The following ACOXL variants were observed in gnomAD, a reference collection of about 807,000 sequenced individuals.
ACOXL encodes the protein acyl-coenzyme A oxidase-like protein.
In ACOXL, 70 loss-of-function variants were observed where a neutral mutation model predicts 71.9. That is an observed-to-expected ratio of 0.97 (90% CI 0.80 to 1.19). The LOEUF (loss-of-function observed/expected upper bound fraction) is 1.19. Among genes scored for constraint, ACOXL ranks in the 50% most tolerant of loss-of-function variants. The probability of loss-of-function intolerance (pLI) is 0.00; values close to 1 mark genes in which losing one functional copy is unlikely to be tolerated. For missense variants in ACOXL, 703 were observed against 736.3 expected, an observed-to-expected ratio of 0.95 and a Z score of 0.52; for synonymous variants, 253 against 281.6, an observed-to-expected ratio of 0.90 and a Z score of 1.02.
intron 2 of ACOXL, among the ~76,000 whole-genome samples, chr2:110,779,358 T>C (rs1453438952): frequency 6.6e-6 from 1 of 152,108 alleles, no homozygotes; most frequent in African/African-American, 2.4e-5. Context: ...TTTCTTGCAG[T>C]GGTAACTGGA....
chr2:110,957,347 G>A (rs2061536975), intron 12 of ACOXL, among the ~76,000 whole-genome samples: 1 of 152,166 alleles, frequency 6.6e-6, no homozygotes, highest in African/African-American at 2.4e-5. Flanking sequence ...TGTTCATGTT[G>A]GAGAAGCAGT....
intron 15 of ACOXL, among the ~76,000 whole-genome samples, chr2:111,039,510 C>T (rs749952139): frequency 3.9e-5 from 6 of 152,078 alleles, no homozygotes; most frequent in Non-Finnish European, 7.4e-5. Flanking sequence ...AATATGTTAA[C>T]AAGGTAATTA....
chr2:111,026,637 C>G (rs1329398298), intron 14 of ACOXL, among the ~76,000 whole-genome samples: 1 of 151,804 alleles, frequency 6.6e-6, no homozygotes, highest in Non-Finnish European at 1.5e-5. Flanking sequence ...TATAGAAATA[C>G]AATTGATTTT....
intron 14 of ACOXL, among the ~76,000 whole-genome samples, chr2:111,023,493 G>A (rs1376639341): frequency 6.6e-6 from 1 of 152,188 alleles, no homozygotes; most frequent in Non-Finnish European, 1.5e-5. Flanking sequence ...TGTAGCCCGT[G>A]GAAGTGGTAT....
intron 11 of ACOXL, among the ~76,000 whole-genome samples, chr2:110,917,250 A>G (rs1021041387): frequency 6.6e-6 from 1 of 152,048 alleles, no homozygotes; most frequent in Non-Finnish European, 1.5e-5. Context: ...AGGCTGGTTC[A>G]ACATCAATCA....
intron 16 of ACOXL, among the ~76,000 whole-genome samples, chr2:111,080,629 C>T (rs547524040): frequency 6.7e-4 from 102 of 152,242 alleles, no homozygotes; most frequent in South Asian, 3.3e-3. Flanking sequence ...TGAAACTATT[C>T]GGAATAGTAG....
At chr2:111,068,713 G>C (rs954008997) in intron 16 of ACOXL, among the ~76,000 whole-genome samples, 2 of 152,150 alleles carry the variant, frequency 1.3e-5, no homozygotes, top group Admixed American at 1.3e-4. Context: ...GGTCACCGAC[G>C]GGTTTCTTTC....
chr2:110,922,830 C>T (rs1231110237), intron 11 of ACOXL, among the ~76,000 whole-genome samples: 1 of 152,176 alleles, frequency 6.6e-6, no homozygotes, highest in Non-Finnish European at 1.5e-5. Context: ...CCCCAGAGCC[C>T]TTACCATGTG....
At chr2:110,910,876 A>T (rs2059628472) in intron 11 of ACOXL, among the ~76,000 whole-genome samples, 1 of 152,182 alleles carries the variant, frequency 6.6e-6, no homozygotes, top group Non-Finnish European at 1.5e-5. Flanking sequence ...ATTTTTGGTC[A>T]GTGTGGATTT....
chr2:110,873,642 G>C (rs1484310188), intron 10 of ACOXL, among the ~76,000 whole-genome samples: 1 of 152,162 alleles, frequency 6.6e-6, no homozygotes, highest in Non-Finnish European at 1.5e-5. Flanking sequence ...AGATGGAGTA[G>C]AGCCAGGGGA....
At chr2:110,799,150 C>G in intron 7 of ACOXL, 50 bp downstream of exon 7, 1 of 1,548,376 alleles carries the variant, frequency 6.5e-7, no homozygotes. Context: ...TACCTGCTCC[C>G]CACCTGACTC....
chr2:110,933,443 T>C (rs985445920), intron 11 of ACOXL, 46 bp from the exon 12 acceptor site: 3 of 1,590,882 alleles, frequency 1.9e-6, no homozygotes, highest in African/African-American at 2.7e-5. Flanking sequence ...ACACATGTGC[T>C]GACTGCACCG....
chr2:110,928,671 G>A (rs1414610856), intron 11 of ACOXL, among the ~76,000 whole-genome samples: 1 of 152,152 alleles, frequency 6.6e-6, no homozygotes, highest in Non-Finnish European at 1.5e-5. Context: ...CCATGATGGT[G>A]GGTTCCTGAT....
At chr2:110,740,190 C>G (rs73954668) in intron 1 of ACOXL, among the ~76,000 whole-genome samples, 5 of 152,132 alleles carry the variant, frequency 3.3e-5, no homozygotes, top group African/African-American at 7.2e-5. Flanking sequence ...GAGGTGATGC[C>G]GATGGGACAG....
intron 9 of ACOXL, among the ~76,000 whole-genome samples, chr2:110,829,371 C>T (rs1287902639): frequency 1.3e-5 from 2 of 152,152 alleles, no homozygotes; most frequent in East Asian, 3.8e-4. Context: ...AGCCGTGGGG[C>T]ATGCTGATCT....
At position 110,933,625 on chromosome 2, in the gene ACOXL, G is replaced by A. The variant is rs542226885; in HGVS notation, c.1042G>A (p.Glu348Lys). The change falls in exon 12 of 18, where the codon GAG becomes AAG. Residue 348 changes from glutamate (E) to lysine (K), a missense_variant. Physicochemically the swap from Glu to Lys is moderately conservative, Grantham distance 56. Coordinates refer to ENST00000439055, the MANE Select transcript of ACOXL (RefSeq NM_001142807.4). ...CATCCGCTGCCTGCAGGACTGCCGC[G>A]AGTGCACTGGAGGCATGGTGAGCCC... ...ENIRCLQDCRECTGGMVVGRE... is the reference protein window; with the variant it reads ...ENIRCLQDCRKCTGGMVVGRE... 8.1e-6 allele frequency: 13 copies of A among 1,611,634 alleles called. No individual in the cohort carries two copies. The highest frequency in any genetic ancestry group is 4.4e-5 in the South Asian group (4 of 90,848).
chr2:110,978,947 G>A (rs1574362964), intron 12 of ACOXL, among the ~76,000 whole-genome samples: 3 of 152,124 alleles, frequency 2.0e-5, no homozygotes, highest in African/African-American at 7.2e-5. Context: ...TGGACGGTTT[G>A]TTGTTGTCAT....
chr2:111,115,349 CA>C (rs2070271112), intron 17 of ACOXL, among the ~76,000 whole-genome samples: 1 of 152,134 alleles, frequency 6.6e-6, no homozygotes, highest in African/African-American at 2.4e-5. Context: ...GTGTAATAAT[CA>C]ATGCTATATT....
At chr2:111,038,424 C>T (rs112135019) in intron 15 of ACOXL, among the ~76,000 whole-genome samples, 1 of 152,190 alleles carries the variant, frequency 6.6e-6, no homozygotes, top group African/African-American at 2.4e-5. Context: ...TGTTTTCGCT[C>T]CTTTGTTTCC....
Sources: gnomAD v4.1 joint callset for allele counts (sites outside exome capture counted in the v4.1 genomes callset) on GRCh38, gnomAD v4.1.1 for gene constraint, MANE v1.5 for transcripts, NCBI Gene and HGNC (gene_info 2026-07-23, HGNC 2026-07-21) for gene names.